NRXN3: variants seen among roughly 807,000 people sequenced by gnomAD.
NRXN3 encodes neurexin III.
NRXN3 carries 32 observed loss-of-function variants against 137.6 expected under a neutral mutation model. That is an observed-to-expected ratio of 0.23 (90% CI 0.18 to 0.31). The LOEUF is 0.31. NRXN3 is among the 10% of genes least tolerant of loss of function. NRXN3 has a pLI of 1.00. For missense variants in NRXN3, 1,574 were observed against 2,062.5 expected (o/e 0.76, Z 4.59); for synonymous variants, 798 against 784.5 (o/e 1.02, Z -0.29).
chr14:79,282,553 C>T (rs1443124539), intron 15 of NRXN3, among the ~76,000 whole-genome samples: 3 of 152,104 alleles, frequency 2.0e-5, no homozygotes, highest in African/African-American at 7.2e-5. Context: ...AAACATGACC[C>T]TTTATTTAGT....
rs140486461 is a variant in NRXN3 at position 78,249,365 on chromosome 14, C to T, written c.709+5563C>T. Among the ~76,000 whole-genome samples the T allele has an allele frequency of 1.3e-3, 197 of 152,294 alleles. 2 individuals carry two copies. The highest frequency in any genetic ancestry group is 6.8e-3 in the Middle Eastern group (2 of 294). ...TAATGAGATACCACAGGACCGATGCCGGGGGCTAATTATTTTCAAGACCCC... is the reference window on the plus strand; with the variant it reads ...TAATGAGATACCACAGGACCGATGCTGGGGGCTAATTATTTTCAAGACCCC... On this transcript the variant is annotated intron_variant, in intron 2 of 20. Transcript: ENST00000335750.
intron 20 of NRXN3, among the ~76,000 whole-genome samples, chr14:79,823,045 A>G (rs1271057196): frequency 6.6e-6 from 1 of 152,188 alleles, no homozygotes; most frequent in African/African-American, 2.4e-5. Flanking sequence ...ATTAGCCTAC[A>G]TTTGAGCTAA....
intron 4 of NRXN3, among the ~76,000 whole-genome samples, chr14:78,454,606 A>C (rs1471557694): frequency 6.6e-6 from 1 of 152,194 alleles, no homozygotes; most frequent in African/African-American, 2.4e-5. Flanking sequence ...TGGCCTCTCT[A>C]CAGTGTCTGT....
intron 20 of NRXN3, among the ~76,000 whole-genome samples, chr14:79,824,778 TGTTA>T (rs1202135622): frequency 6.6e-6 from 1 of 152,240 alleles, no homozygotes; most frequent in Non-Finnish European, 1.5e-5. Context: ...CTTTTGGTTT[TGTTA>T]GTATTTGAAT....
At chr14:79,299,489 T>C (rs972739663) in intron 15 of NRXN3, among the ~76,000 whole-genome samples, 3 of 152,098 alleles carry the variant, frequency 2.0e-5, no homozygotes, top group Non-Finnish European at 4.4e-5. Context: ...AACAAATGAG[T>C]GTGAGTATAT....
intron 15 of NRXN3, among the ~76,000 whole-genome samples, chr14:79,408,574 G>A (rs947561848): frequency 3.9e-5 from 6 of 152,174 alleles, no homozygotes; most frequent in Admixed American, 2.6e-4. Flanking sequence ...TCAAGCATTT[G>A]CAGCCACCCA....
intron 4 of NRXN3, among the ~76,000 whole-genome samples, chr14:78,510,261 A>C (rs1192057735): frequency 6.6e-6 from 1 of 151,968 alleles, no homozygotes; most frequent in African/African-American, 2.4e-5. Context: ...ATATGTGTAA[A>C]GTACTTTAGT....
intron 4 of NRXN3, among the ~76,000 whole-genome samples, chr14:78,558,146 C>T (rs920719808): frequency 6.6e-6 from 1 of 152,262 alleles, no homozygotes; most frequent in East Asian, 1.9e-4. Flanking sequence ...ACTGGCTAAT[C>T]GTTATGTTCA....
At chr14:79,496,317 G>A (rs565098857) in intron 16 of NRXN3, among the ~76,000 whole-genome samples, 1 of 151,742 alleles carries the variant, frequency 6.6e-6, no homozygotes, top group Non-Finnish European at 1.5e-5. Context: ...CTAGTTACTA[G>A]CGCAGTAAGA....
At chr14:79,653,977 C>G (rs1364616252) in intron 16 of NRXN3, among the ~76,000 whole-genome samples, 1 of 152,202 alleles carries the variant, frequency 6.6e-6, no homozygotes, top group Non-Finnish European at 1.5e-5. Flanking sequence ...TTTTATACCC[C>G]AGGGGCAATA....
At chr14:79,234,317 TATATA>T (rs1318205804) in intron 15 of NRXN3, among the ~76,000 whole-genome samples, 1 of 119,606 alleles carries the variant, frequency 8.4e-6, no homozygotes, top group Non-Finnish European at 1.7e-5. Context: ...TATATATATA[TATATA>T]TATATATATA....
At chr14:78,590,683 G>C (rs1489248284) in intron 4 of NRXN3, among the ~76,000 whole-genome samples, 1 of 152,162 alleles carries the variant, frequency 6.6e-6, no homozygotes, top group Non-Finnish European at 1.5e-5. Flanking sequence ...GGAGGCTGAG[G>C]TGGGCAGATC....
intron 4 of NRXN3, among the ~76,000 whole-genome samples, chr14:78,325,719 G>C (rs2079994729): frequency 6.6e-6 from 1 of 151,974 alleles, no homozygotes; most frequent in East Asian, 1.9e-4. Context: ...CCCAAGCTCT[G>C]CTATAGCTGA....
intron 15 of NRXN3, among the ~76,000 whole-genome samples, chr14:79,162,307 A>G (rs1295917244): frequency 8.5e-6 from 1 of 117,224 alleles, no homozygotes; most frequent in East Asian, 2.7e-4. Flanking sequence ...CTCACCCCAC[A>G]ACAGTCCCCA....
chr14:79,858,887 C>G (rs986483916), intron 20 of NRXN3, among the ~76,000 whole-genome samples: 7 of 151,226 alleles, frequency 4.6e-5, no homozygotes, highest in African/African-American at 1.7e-4. Flanking sequence ...GGGAACTGCA[C>G]TCCAAATCCC....
At chr14:79,144,907 G>A (rs554357596) in intron 15 of NRXN3, among the ~76,000 whole-genome samples, 1 of 150,240 alleles carries the variant, frequency 6.7e-6, no homozygotes, top group South Asian at 2.1e-4. Context: ...GAAAATCTTA[G>A]CAAGAGTTAA....
chr14:79,774,493 C>T (rs2099090387), intron 19 of NRXN3, among the ~76,000 whole-genome samples: 1 of 151,926 alleles, frequency 6.6e-6, no homozygotes, highest in South Asian at 2.1e-4. Flanking sequence ...AGAAGATGTC[C>T]AGGAATAAAA....
intron 10 of NRXN3, among the ~76,000 whole-genome samples, chr14:78,868,806 A>G (rs905806607): frequency 6.6e-6 from 1 of 152,048 alleles, no homozygotes; most frequent in Non-Finnish European, 1.5e-5. Context: ...GGGCAAAAAA[A>G]GCGAAACTCC....
chr14:79,539,777 G>A (rs182074408), intron 16 of NRXN3, among the ~76,000 whole-genome samples: 161 of 152,240 alleles, frequency 1.1e-3, no homozygotes, highest in African/African-American at 3.7e-3. Context: ...GCCACTTATA[G>A]GAGACAATGC....
Sources: gnomAD v4.1 joint callset for allele counts (sites outside exome capture counted in the v4.1 genomes callset) on GRCh38, gnomAD v4.1.1 for gene constraint, MANE v1.5 for transcripts, NCBI Gene and HGNC (gene_info 2026-07-23, HGNC 2026-07-21) for gene names.